Variants in CREB5 observed in about 807,000 individuals in gnomAD.
CREB5 encodes the protein cAMP responsive element binding protein 5.
CREB5 carries 19 observed loss-of-function variants against 57.1 expected under a neutral mutation model. The ratio of observed to expected loss-of-function variants is 0.33; its 90% CI spans 0.23 to 0.49. The LOEUF (loss-of-function observed/expected upper bound fraction) is 0.49. Ranked by LOEUF, CREB5 falls within the 20% of genes least tolerant of loss-of-function variation. The pLI is 0.99. For synonymous variants in CREB5, 238 were observed against 238.3 expected (o/e 1.00, Z 0.01); for missense variants, 579 against 671.6 (o/e 0.86, Z 1.52).
At chr7:28,421,858 TATATATACC>T (rs35707123) in intron 1 of CREB5, among the ~76,000 whole-genome samples, 127 of 1,468 alleles carry the variant, frequency 0.087, no homozygotes, top group East Asian at 0.43. Flanking sequence ...TCTCTCTCTC[TATATATACC>T]ATATATATGG....
intron 1 of CREB5, among the ~76,000 whole-genome samples, chr7:28,474,805 G>A (rs1272769052): frequency 6.6e-6 from 1 of 152,132 alleles, no homozygotes; most frequent in Non-Finnish European, 1.5e-5. Context: ...GTATTCTAAC[G>A]GCTTTACCCT....
At chr7:28,498,647 G>A (rs570054840) in intron 3 of CREB5, among the ~76,000 whole-genome samples, 9 of 152,262 alleles carry the variant, frequency 5.9e-5, no homozygotes, top group South Asian at 2.1e-4. Context: ...GACAGTCCTC[G>A]TGTTTTATTA....
intron 1 of CREB5, among the ~76,000 whole-genome samples, chr7:28,302,036 G>A (rs989317599): frequency 1.3e-5 from 2 of 152,142 alleles, no homozygotes; most frequent in African/African-American, 4.8e-5. Flanking sequence ...ATTGAAATTC[G>A]TTAAAATAGA....
intron 5 of CREB5, among the ~76,000 whole-genome samples, chr7:28,691,493 A>G (rs1408002106): frequency 1.3e-5 from 2 of 151,806 alleles, no homozygotes; most frequent in Non-Finnish European, 2.9e-5. Context: ...AGTTGGGTGA[A>G]GTTACCATTT....
At chr7:28,563,532 T>C (rs1795359703) in intron 4 of CREB5, among the ~76,000 whole-genome samples, 1 of 152,100 alleles carries the variant, frequency 6.6e-6, no homozygotes, top group African/African-American at 2.4e-5. Flanking sequence ...AATGAATGAA[T>C]GAATTAACTG....
chr7:28,685,972 C>A (rs1169753668), intron 5 of CREB5: 1 of 597,230 alleles, frequency 1.7e-6, no homozygotes, highest in Non-Finnish European at 2.9e-6. Flanking sequence ...GAGGGCGAGA[C>A]CAGGAGAAAG....
intron 5 of CREB5, among the ~76,000 whole-genome samples, chr7:28,609,280 G>A (rs576189501): frequency 6.6e-6 from 1 of 152,202 alleles, no homozygotes; most frequent in South Asian, 2.1e-4. Context: ...TATGTCTGTG[G>A]GGCAGTCTGT....
intron 4 of CREB5, among the ~76,000 whole-genome samples, chr7:28,561,684 G>A (rs1007248495): frequency 1.4e-4 from 21 of 152,212 alleles, no homozygotes; most frequent in Non-Finnish European, 2.2e-4. Context: ...CATGGAGGCA[G>A]GCACTGGTTA....
chr7:28,304,445 A>G (rs1051360211), intron 1 of CREB5, among the ~76,000 whole-genome samples: 2 of 152,194 alleles, frequency 1.3e-5, no homozygotes, highest in Non-Finnish European at 1.5e-5. Context: ...CCTCTTTCAA[A>G]TGCTAATACC....
At chr7:28,737,569 A>ACGTG (rs1804086940) in intron 7 of CREB5, among the ~76,000 whole-genome samples, 1 of 97,122 alleles carries the variant, frequency 1.0e-5, no homozygotes. Context: ...ATATATATAT[A>ACGTG]TATATATATA....
At chr7:28,653,866 G>A (rs1040398858) in intron 5 of CREB5, among the ~76,000 whole-genome samples, 1 of 152,330 alleles carries the variant, frequency 6.6e-6, no homozygotes, top group African/African-American at 2.4e-5. Flanking sequence ...GGCAAAGCAA[G>A]TACAACTGAT....
At chr7:28,723,911 A>G (rs1295492835) in intron 6 of CREB5, among the ~76,000 whole-genome samples, 2 of 152,206 alleles carry the variant, frequency 1.3e-5, no homozygotes, top group Admixed American at 6.5e-5. Flanking sequence ...ACAAATAAGC[A>G]CTATTGGTGG....
At chr7:28,776,299 C>T (rs1806631481) in intron 7 of CREB5, among the ~76,000 whole-genome samples, 3 of 148,020 alleles carry the variant, frequency 2.0e-5, no homozygotes, top group South Asian at 4.2e-4. Context: ...GATAGCGCCA[C>T]TGCACTCCCG....
At chr7:28,749,896 G>A (rs1003442287) in intron 7 of CREB5, among the ~76,000 whole-genome samples, 5 of 151,764 alleles carry the variant, frequency 3.3e-5, no homozygotes, top group African/African-American at 7.3e-5. Context: ...TTGGCCAAGA[G>A]CTGAAATTTG....
intron 1 of CREB5, among the ~76,000 whole-genome samples, chr7:28,383,670 G>A (rs1787014355): frequency 6.6e-6 from 1 of 152,090 alleles, no homozygotes; most frequent in African/African-American, 2.4e-5. Context: ...CAGCATCAAG[G>A]CGATGGTGCT....
At chr7:28,581,327 G>A (rs1387730776) in intron 5 of CREB5, among the ~76,000 whole-genome samples, 1 of 152,234 alleles carries the variant, frequency 6.6e-6, no homozygotes, top group Non-Finnish European at 1.5e-5. Context: ...GGATCTCAGA[G>A]AAAGTGTGGC....
intron 4 of CREB5, among the ~76,000 whole-genome samples, chr7:28,528,172 C>G (rs1290936069): frequency 2.0e-5 from 3 of 152,222 alleles, no homozygotes; most frequent in Admixed American, 6.5e-5. Context: ...CTTCAAGACA[C>G]TTTGAATGTA....
At chr7:28,679,322 G>T (rs1449662020) in intron 5 of CREB5, among the ~76,000 whole-genome samples, 4 of 152,174 alleles carry the variant, frequency 2.6e-5, no homozygotes, top group Admixed American at 6.5e-5. Flanking sequence ...CTCAGCAAAT[G>T]ATGGTCAGCT....
At chr7:28,781,527 T>A (rs2128783851) in intron 7 of CREB5, among the ~76,000 whole-genome samples, 1 of 152,298 alleles carries the variant, frequency 6.6e-6, no homozygotes, top group African/African-American at 2.4e-5. Flanking sequence ...GAGAAATACT[T>A]TTGTGAAGAT....
Sources: allele counts gnomAD v4.1 joint callset (sites outside exome capture counted in the v4.1 genomes callset), GRCh38; gene constraint gnomAD v4.1.1; transcripts MANE v1.5; gene names NCBI Gene and HGNC (gene_info 2026-07-23, HGNC 2026-07-21).